Variants in NRAP observed in about 807,000 individuals in gnomAD.
NRAP encodes nebulin related anchoring protein.
In NRAP, 189 loss-of-function variants were observed where a neutral mutation model predicts 225.9. The ratio of observed to expected loss-of-function variants is 0.84; its 90% CI spans 0.74 to 0.94. NRAP has a LOEUF of 0.94. Ranked by LOEUF, NRAP falls within the 40% of genes least tolerant of loss-of-function variation. The probability of loss-of-function intolerance (pLI) is 0.00; values close to 1 mark genes in which losing one functional copy is unlikely to be tolerated. For synonymous variants in NRAP, 769 were observed against 790.7 expected (o/e 0.97, Z 0.46); for missense variants, 2,176 against 2,168.7 (o/e 1.00, Z -0.07).
At chr10:113,633,565 TCA>T (rs750045932) in intron 15 of NRAP, among the ~76,000 whole-genome samples, 1 of 152,100 alleles carries the variant, frequency 6.6e-6, no homozygotes, top group Non-Finnish European at 1.5e-5. Context: ...CCATCTTAAA[TCA>T]CACACACAAA....
chr10:113,632,944 T>C (rs1848654528), intron 16 of NRAP, 140 bp downstream of exon 16: 3 of 644,632 alleles, frequency 4.7e-6, no homozygotes, highest in Admixed American at 2.4e-5. Flanking sequence ...CATAGCAAAA[T>C]TCAAAGTTAC....
chr10:113,589,162 G>A, intron 41 of NRAP, 83 bp from the exon 42 acceptor site: 1 of 1,089,388 alleles, frequency 9.2e-7, no homozygotes, highest in South Asian at 1.4e-5. Context: ...GACACGCTAA[G>A]AAGCACAGGG....
At chr10:113,605,723 G>T in intron 34 of NRAP, 39 bp downstream of exon 34, 1 of 1,360,448 alleles carries the variant, frequency 7.4e-7, no homozygotes, top group Non-Finnish European at 1.1e-6. Flanking sequence ...GAAGTTAACA[G>T]AAATTAGGCA....
intron 9 of NRAP, among the ~76,000 whole-genome samples, chr10:113,648,097 C>G (rs1254839004): frequency 1.3e-5 from 2 of 152,138 alleles, no homozygotes; most frequent in African/African-American, 4.8e-5. Flanking sequence ...CTGAAACAGC[C>G]CATATGGTGC....
Position 113,628,992 on chromosome 10 carries a change from C to T in NRAP, c.2070G>A (p.Met690Ile), listed in dbSNP as rs1310223755. 1 of 1,613,992 alleles carries T rather than the reference C, an allele frequency of 6.2e-7. No individual in the cohort carries two copies. Among genetic ancestry groups the T allele is most frequent in the Admixed American group, 1.7e-5 (1 of 60,016 alleles). Residue 690 changes from methionine to isoleucine, a missense_variant, in exon 20 of 42, where the codon ATG (methionine) becomes ATA (isoleucine). Physicochemically the swap from Met to Ile is conservative, Grantham distance 10 (BLOSUM62 1). Coordinates refer to ENST00000359988, the MANE Select transcript of NRAP (RefSeq NM_198060.4). ...CCTCTGTCAGCCACCCAACTCCCTT[C>T]ATCCATGCCAGGTCAGCCTTGTACT... ...ELQYKADLAW[M>I]KGVGWLTEGS...
chr10:113,602,718 A>G (rs1846678886), intron 35 of NRAP, among the ~76,000 whole-genome samples: 1 of 152,250 alleles, frequency 6.6e-6, no homozygotes, highest in African/African-American at 2.4e-5. Flanking sequence ...ATTGCCCTGA[A>G]GGCAACCAGA....
At chr10:113,601,533 A>G (rs1333568503) in intron 35 of NRAP, among the ~76,000 whole-genome samples, 2 of 152,250 alleles carry the variant, frequency 1.3e-5, no homozygotes, top group Non-Finnish European at 2.9e-5. Flanking sequence ...CGTACAGCAT[A>G]ATATGGTCAT....
intron 37 of NRAP, 52 bp downstream of exon 37, chr10:113,597,034 G>T: frequency 1.7e-6 from 2 of 1,211,840 alleles, no homozygotes; most frequent in South Asian, 2.4e-5. Context: ...CCGGACCACT[G>T]AGCAGCAGTG....
At chr10:113,631,675 T>A in intron 17 of NRAP, 65 bp from the exon 18 acceptor site, 1 of 1,094,364 alleles carries the variant, frequency 9.1e-7, no homozygotes, top group Non-Finnish European at 1.4e-6. Context: ...GGGGCTCTGG[T>A]TTTAACAAGT....
chr10:113,604,899 C>CA lies in NRAP; in HGVS notation c.3936dup (p.Val1313CysfsTer97). 6.2e-7 allele frequency: 1 copy of CA among 1,613,692 alleles called. No homozygotes were observed. Among genetic ancestry groups the CA allele is most frequent in the Non-Finnish European group, 8.5e-7 (1 of 1,179,638 alleles). On this transcript the variant is annotated frameshift_variant, in exon 35 of 42. Transcript: ENST00000359988. LOFTEE classifies it high-confidence loss of function. ...CCTATGAGTTTCCCTCGCTCCTTCA[C>CA]AAAGTCATGTCTGTAGAGAAACTGC... is the stretch of plus-strand genomic sequence containing the variant.
chr10:113,592,709 T>C (rs1846063318), intron 38 of NRAP, among the ~76,000 whole-genome samples: 1 of 152,240 alleles, frequency 6.6e-6, no homozygotes, highest in Non-Finnish European at 1.5e-5. Flanking sequence ...TGCTGTTCCT[T>C]GGGCCTTGGC....
At position 113,588,804 on chromosome 10, in the gene NRAP, G is replaced by A. The variant is rs1845737634; in HGVS notation, c.*171C>T. ...GCCATCCACGTCTAGGTATCAGAGA[G>A]GACCACAAATACAACATTCTCCATC... On this transcript the variant is annotated 3_prime_UTR_variant, in exon 42 of 42. Transcript: ENST00000359988. 1 of 619,740 alleles carries A rather than the reference G, an allele frequency of 1.6e-6. No individual in the cohort carries two copies. The highest frequency in any genetic ancestry group is 2.9e-6 in the Non-Finnish European group (1 of 348,198). 38.4% of individuals were successfully genotyped at this position (619,740 alleles called of 1,614,324 possible).
Position 113,610,443 on chromosome 10 carries a change from C to T in NRAP, c.3603+16G>A, listed in dbSNP as rs111551940. ...TGGAAATGTCCTGGACACTCAACAC[C>T]AGCATCTGTAGTTACCTCACTGATG... On this transcript the variant is annotated intron_variant, in intron 31 of 41. Coordinates refer to ENST00000359988, the MANE Select transcript of NRAP (RefSeq NM_198060.4). The T allele has an allele frequency of 7.6e-6, 9 of 1,191,168 alleles. No individual in the cohort carries two copies. In the African/African-American group the frequency reaches 8.9e-5, roughly 12 times the overall value. 73.8% of individuals were successfully genotyped at this position (1,191,168 alleles called of 1,614,324 possible).
intron 24 of NRAP, among the ~76,000 whole-genome samples, chr10:113,621,467 G>T (rs1342167486): frequency 6.6e-6 from 1 of 152,132 alleles, no homozygotes; most frequent in East Asian, 1.9e-4. Context: ...CAGGGAAAGG[G>T]TTATTGAAAA....
intron 18 of NRAP, among the ~76,000 whole-genome samples, chr10:113,630,370 A>T (rs1592807835): frequency 6.6e-6 from 1 of 152,242 alleles, no homozygotes; most frequent in East Asian, 1.9e-4. Flanking sequence ...GATGATGGTG[A>T]TGATGGCAGC....
At position 113,588,760 on chromosome 10, in the gene NRAP, G is replaced by C; in HGVS notation, c.*215C>G. On this transcript the variant is annotated 3_prime_UTR_variant, in exon 42 of 42. Transcript: ENST00000359988. ...TCTTTATTCCTCAGCCCAGACACTC[G>C]AGGCACTCAACAGAATCAGCCATCC... 2 of 570,856 alleles carry C rather than the reference G, an allele frequency of 3.5e-6. No individual in the cohort carries two copies. Among genetic ancestry groups the C allele is most frequent in the Non-Finnish European group, 6.2e-6 (2 of 322,992 alleles). 35.4% of individuals were successfully genotyped at this position (570,856 alleles called of 1,614,324 possible).
At chr10:113,599,730 G>A (rs928870686) in intron 35 of NRAP, among the ~76,000 whole-genome samples, 16 of 152,160 alleles carry the variant, frequency 1.1e-4, no homozygotes, top group African/African-American at 3.9e-4. Flanking sequence ...ATAAAAGAGG[G>A]GGCCAGGGGA....
At chr10:113,660,660 T>C (rs562967889) in intron 3 of NRAP, among the ~76,000 whole-genome samples, 23 of 152,344 alleles carry the variant, frequency 1.5e-4, no homozygotes, top group African/African-American at 5.0e-4. Flanking sequence ...ATTATGGATC[T>C]TTCTGTAGAC....
chr10:113,655,460 T>C (rs536050475), intron 4 of NRAP, among the ~76,000 whole-genome samples: 19 of 150,272 alleles, frequency 1.3e-4, no homozygotes, highest in African/African-American at 4.0e-4. Context: ...CCATTTTTTT[T>C]TTTTTTTTCC....
Sources: gnomAD v4.1 joint callset for allele counts (sites outside exome capture counted in the v4.1 genomes callset) on GRCh38, gnomAD v4.1.1 for gene constraint, MANE v1.5 for transcripts, NCBI Gene and HGNC (gene_info 2026-07-23, HGNC 2026-07-21) for gene names.